The following LARGE1 variants were observed in gnomAD, a reference collection of about 807,000 sequenced individuals.
LARGE1 encodes LARGE xylosyl- and glucuronyltransferase 1.
Under a neutral mutation model 87.6 loss-of-function variants are expected in LARGE1, and 43 were observed. The observed-to-expected ratio is 0.49, with a 90% CI of 0.38 to 0.63. The LOEUF is 0.63. Ranked by LOEUF, LARGE1 falls within the 30% of genes least tolerant of loss-of-function variation. The pLI, the probability that LARGE1 is intolerant of heterozygous loss-of-function variation, is 0.00. For synonymous variants in LARGE1, 434 were observed against 394.6 expected (o/e 1.10, Z -1.18); for missense variants, 802 against 1,000.2 (o/e 0.80, Z 2.67).
At chr22:33,736,053 A>C (rs925642281) in intron 2 of LARGE1, among the ~76,000 whole-genome samples, 1 of 152,236 alleles carries the variant, frequency 6.6e-6, no homozygotes, top group Non-Finnish European at 1.5e-5. Context: ...ATAGACATTC[A>C]GGTAGTTTTC....
the LARGE1 span, among the ~76,000 whole-genome samples, chr22:33,096,274 G>T: frequency 6.6e-6 from 1 of 151,850 alleles, no homozygotes; most frequent in South Asian, 2.1e-4. Context: ...AAATTAGCTG[G>T]GCATGGTAGT....
At chr22:33,469,410 C>T (rs140986632) in intron 6 of LARGE1, among the ~76,000 whole-genome samples, 9 of 152,050 alleles carry the variant, frequency 5.9e-5, no homozygotes, top group East Asian at 5.8e-4. Context: ...ATGCCATTAT[C>T]GTAAACACAC....
intron 1 of LARGE1, among the ~76,000 whole-genome samples, chr22:33,783,320 G>C (rs910394022): frequency 5.3e-5 from 8 of 152,064 alleles, no homozygotes; most frequent in African/African-American, 1.9e-4. Flanking sequence ...TTAAAAATTT[G>C]TTTGGGAGGC....
At chr22:33,433,742 T>C (rs1488960704) in intron 6 of LARGE1, among the ~76,000 whole-genome samples, 1 of 152,184 alleles carries the variant, frequency 6.6e-6, no homozygotes, top group Non-Finnish European at 1.5e-5. Context: ...TCTTGTACTG[T>C]TGGCCAATTT....
chr22:33,733,079 G>A (rs532852465), intron 2 of LARGE1: 4 of 152,296 alleles, frequency 2.6e-5, no homozygotes, highest in Non-Finnish European at 5.9e-5. Flanking sequence ...CATGAATTTG[G>A]CTTCATTCAT....
intron 11 of LARGE1, among the ~76,000 whole-genome samples, chr22:33,240,407 A>G (rs951459331): frequency 1.3e-5 from 2 of 152,182 alleles, no homozygotes; most frequent in Non-Finnish European, 2.9e-5. Flanking sequence ...ATTATTTTCC[A>G]AAACAATATT....
At chr22:33,162,070 A>C (rs1383073129), downstream of LARGE1, among the ~76,000 whole-genome samples, 1 of 151,854 alleles carries the variant, frequency 6.6e-6, no homozygotes, top group Non-Finnish European at 1.5e-5. Context: ...AGCCCTCCAA[A>C]CTGTTCCAAC....
intron 11 of LARGE1, among the ~76,000 whole-genome samples, chr22:33,201,334 G>A (rs1280352734): frequency 1.1e-5 from 1 of 90,268 alleles, no homozygotes; most frequent in Non-Finnish European, 2.3e-5. Flanking sequence ...GAGAAAGAGA[G>A]AGAGAAAGAA....
intron 9 of LARGE1, among the ~76,000 whole-genome samples, chr22:33,369,512 T>G (rs1457367987): frequency 1.3e-5 from 2 of 152,224 alleles, no homozygotes; most frequent in Non-Finnish European, 2.9e-5. Flanking sequence ...AGAGCCTTCT[T>G]AGTTCTCTAT....
rs906730417 is a variant in LARGE1 at position 33,807,355 on chromosome 22, C to A, written c.-82-45797G>T. Among the ~76,000 whole-genome samples the A allele has an allele frequency of 3.9e-5, 6 of 152,112 alleles. No homozygotes were observed. In the South Asian group the frequency reaches 1.2e-3, roughly 31 times the overall value. On this transcript the variant is annotated intron_variant, in intron 1 of 14. Coordinates refer to ENST00000397394, the MANE Select transcript of LARGE1 (RefSeq NM_133642.5). ...TAAGCATTCACTTTCGTAACCAGGTCTTTAGTTTTTTAAAAATAGACTTTA... is the reference window on the plus strand; with the variant it reads ...TAAGCATTCACTTTCGTAACCAGGTATTTAGTTTTTTAAAAATAGACTTTA...
At chr22:33,352,997 G>A (rs1330335588) in intron 9 of LARGE1, among the ~76,000 whole-genome samples, 1 of 152,148 alleles carries the variant, frequency 6.6e-6, no homozygotes, top group Admixed American at 6.5e-5. Flanking sequence ...CCCAGTATAA[G>A]CTCTTCCTTA....
chr22:33,467,909 T>C (rs908666628), intron 6 of LARGE1, among the ~76,000 whole-genome samples: 3 of 152,216 alleles, frequency 2.0e-5, no homozygotes, highest in Non-Finnish European at 4.4e-5. Context: ...TAGATGCCAG[T>C]GGAGTGCCTG....
At chr22:33,613,888 C>A (rs2079510446) in intron 4 of LARGE1, among the ~76,000 whole-genome samples, 1 of 152,122 alleles carries the variant, frequency 6.6e-6, no homozygotes, top group Non-Finnish European at 1.5e-5. Flanking sequence ...CTCTCCTGGC[C>A]CCTTACACAG....
chr22:33,747,501 GA>G (rs1255548034), intron 2 of LARGE1, among the ~76,000 whole-genome samples: 1 of 152,120 alleles, frequency 6.6e-6, no homozygotes, highest in Non-Finnish European at 1.5e-5. Flanking sequence ...ACCAGTAAGA[GA>G]GGCCTGCCCA....
chr22:33,439,834 G>C (rs2067405322), intron 6 of LARGE1, among the ~76,000 whole-genome samples: 1 of 152,108 alleles, frequency 6.6e-6, no homozygotes, highest in African/African-American at 2.4e-5. Context: ...CTGTTTTCTT[G>C]GTTGGTAGCA....
At chr22:33,229,041 GA>G (rs768867188) in intron 11 of LARGE1, among the ~76,000 whole-genome samples, 1 of 152,178 alleles carries the variant, frequency 6.6e-6, no homozygotes, top group Non-Finnish European at 1.5e-5. Context: ...GTTACCATAA[GA>G]AATGGAAATG....
intron 2 of LARGE1, among the ~76,000 whole-genome samples, chr22:33,740,307 C>T (rs1029086111): frequency 1.3e-5 from 2 of 152,218 alleles, no homozygotes; most frequent in African/African-American, 4.8e-5. Flanking sequence ...ATACATACTT[C>T]TATTATAGCA....
At chr22:33,318,777 C>T (rs1248168788) in intron 10 of LARGE1, among the ~76,000 whole-genome samples, 1 of 151,044 alleles carries the variant, frequency 6.6e-6, no homozygotes. Context: ...CCAAAGGTCA[C>T]AGGAGGGCTG....
chr22:33,276,233 A>G (rs63457762), intron 14 of LARGE1, among the ~76,000 whole-genome samples: 5 of 151,202 alleles, frequency 3.3e-5, no homozygotes, highest in African/African-American at 9.8e-5. Context: ...AAAAAAAAAA[A>G]GGCTGGAGGG....
Sources: gnomAD v4.1 joint callset for allele counts (sites outside exome capture counted in the v4.1 genomes callset) on GRCh38, gnomAD v4.1.1 for gene constraint, MANE v1.5 for transcripts, NCBI Gene and HGNC (gene_info 2026-07-23, HGNC 2026-07-21) for gene names.